The following ENTPD1 variants were observed in gnomAD, a reference collection of about 807,000 sequenced individuals.
ENTPD1 encodes ectonucleoside triphosphate diphosphohydrolase 1.
Under a neutral mutation model 57.0 loss-of-function variants are expected in ENTPD1, and 33 were observed. The observed-to-expected ratio is 0.58, with a 90% CI of 0.44 to 0.77. The LOEUF (loss-of-function observed/expected upper bound fraction) is 0.77. ENTPD1 is among the 30% of genes least tolerant of loss of function. The pLI is 0.00. For synonymous variants in ENTPD1, 202 were observed against 218.8 expected, an observed-to-expected ratio of 0.92 and a Z score of 0.68; for missense variants, 501 against 603.4, an observed-to-expected ratio of 0.83 and a Z score of 1.78.
chr10:95,754,309 C>CAAAA (rs540199495), upstream of ENTPD1: 1 of 54,400 alleles, frequency 1.8e-5, no homozygotes, highest in Non-Finnish European at 3.8e-5. Context: ...ACTCTTGTCT[C>CAAAA]AAAAAAAAAA....
intron 1 of ENTPD1, among the ~76,000 whole-genome samples, chr10:95,743,880 G>A (rs1005643425): frequency 6.0e-5 from 9 of 151,020 alleles, no homozygotes; most frequent in Admixed American, 4.0e-4. Flanking sequence ...TCCTTTTACT[G>A]GAGAACGGTT....
chr10:95,760,811 A>ATTTTTTTT (rs1399145317), intron 1 of ENTPD1, among the ~76,000 whole-genome samples: 7 of 48,398 alleles, frequency 1.4e-4, no homozygotes, highest in African/African-American at 4.0e-4. Flanking sequence ...CATAGAGTTT[A>ATTTTTTTT]TTCTTTTTTT....
chr10:95,767,579 T>C (rs2098094748), intron 1 of ENTPD1, among the ~76,000 whole-genome samples: 1 of 152,044 alleles, frequency 6.6e-6, no homozygotes, highest in Non-Finnish European at 1.5e-5. Context: ...AATTCATCCA[T>C]CCATGAATTT....
At chr10:95,710,513 TTAG>T (rs78470718), upstream of ENTPD1, among the ~76,000 whole-genome samples, 40,710 of 152,098 alleles carry the variant, frequency 0.27, 6,268 homozygotes, top group Admixed American at 0.38. Context: ...GTCTACATGT[TTAG>T]TAGAAAACAA....
rs903389362 is a variant in ENTPD1 at position 95,873,128 on chromosome 10, T to G, written c.*6745T>G. The G allele has an allele frequency of 2.0e-6, 2 of 976,922 alleles. No individual in the cohort carries two copies. Among genetic ancestry groups the G allele is most frequent in the Non-Finnish European group, 2.4e-6 (2 of 822,292 alleles). 60.5% of individuals were successfully genotyped at this position (976,922 alleles called of 1,614,324 possible). On this transcript the variant is annotated 3_prime_UTR_variant, in exon 10 of 10. Transcript: ENST00000371205. ...CTGAGGTTTTACATTTCCAACAAGC[T>G]GCCAGGTAAAGCCAATACATCTGTC... is the stretch of plus-strand genomic sequence containing the variant.
At chr10:95,808,743 G>A (rs1421346566) in intron 1 of ENTPD1, among the ~76,000 whole-genome samples, 1 of 144,136 alleles carries the variant, frequency 6.9e-6, no homozygotes, top group Non-Finnish European at 1.5e-5. Context: ...TAATAATTTT[G>A]TTGATCATTC....
chr10:95,845,835 C>G (rs974581789), intron 6 of ENTPD1: 5 of 585,786 alleles, frequency 8.5e-6, no homozygotes, highest in Non-Finnish European at 1.5e-5. Flanking sequence ...GATCTTCTCT[C>G]AGGAAATAAT....
chr10:95,708,060 T>C (rs575480894), upstream of ENTPD1, among the ~76,000 whole-genome samples: 33 of 152,332 alleles, frequency 2.2e-4, no homozygotes, highest in African/African-American at 7.5e-4. Flanking sequence ...TGACATCAAA[T>C]GATGATATAA....
intron 2 of ENTPD1, among the ~76,000 whole-genome samples, chr10:95,832,303 A>G (rs940079398): frequency 4.6e-5 from 7 of 152,148 alleles, no homozygotes; most frequent in Non-Finnish European, 1.0e-4. Context: ...GCAGGGCCTC[A>G]GAAGCTACAT....
intron 2 of ENTPD1, among the ~76,000 whole-genome samples, chr10:95,838,568 G>A (rs561506925): frequency 1.3e-5 from 2 of 152,224 alleles, no homozygotes; most frequent in Non-Finnish European, 2.9e-5. Flanking sequence ...TACTATGTGA[G>A]TTCATACATT....
intron 1 of ENTPD1, among the ~76,000 whole-genome samples, chr10:95,739,535 T>C (rs946491058): frequency 6.6e-6 from 1 of 152,244 alleles, no homozygotes; most frequent in Admixed American, 6.5e-5. Flanking sequence ...GCTCCATTTG[T>C]ATCATGAGAT....
intron 1 of ENTPD1, among the ~76,000 whole-genome samples, chr10:95,773,798 G>A (rs1263016091): frequency 2.6e-5 from 4 of 152,204 alleles, no homozygotes; most frequent in Non-Finnish European, 2.9e-5. Flanking sequence ...AAACATACAT[G>A]TGCATGTGTC....
chr10:95,744,006 A>ATATATC (rs2098003262), intron 1 of ENTPD1, among the ~76,000 whole-genome samples: 1 of 74,576 alleles, frequency 1.3e-5, no homozygotes, highest in Admixed American at 1.1e-4. Flanking sequence ...CCATATATAT[A>ATATATC]TATATATATA....
intron 1 of ENTPD1, among the ~76,000 whole-genome samples, chr10:95,746,986 G>T (rs2098006736): frequency 6.6e-6 from 1 of 152,190 alleles, no homozygotes; most frequent in African/African-American, 2.4e-5. Flanking sequence ...ACACCAAATA[G>T]TACTGACTTA....
At chr10:95,737,933 G>A (rs540310975) in intron 1 of ENTPD1, among the ~76,000 whole-genome samples, 6 of 152,226 alleles carry the variant, frequency 3.9e-5, no homozygotes, top group East Asian at 1.9e-4. Context: ...ACTTGTAAAC[G>A]TATCATGCTG....
upstream of ENTPD1, among the ~76,000 whole-genome samples, chr10:95,708,774 T>TA: frequency 6.6e-6 from 1 of 152,282 alleles, no homozygotes; most frequent in African/African-American, 2.4e-5. Flanking sequence ...TCATTTACAC[T>TA]AAAAAAGGCA....
chr10:95,732,879 T>C (rs1179586470), intron 1 of ENTPD1, among the ~76,000 whole-genome samples: 2 of 151,990 alleles, frequency 1.3e-5, no homozygotes, highest in East Asian at 3.8e-4. Flanking sequence ...CACAAGGTAA[T>C]AAAATATTAC....
chr10:95,745,339 T>C (rs974339560), intron 1 of ENTPD1, among the ~76,000 whole-genome samples: 1 of 152,140 alleles, frequency 6.6e-6, no homozygotes, highest in Non-Finnish European at 1.5e-5. Flanking sequence ...TGAGCCACCA[T>C]GCCCAGCTAA....
At chr10:95,776,471 C>T (rs4917705) in intron 1 of ENTPD1, among the ~76,000 whole-genome samples, 76,302 of 152,012 alleles carry the variant, frequency 0.5, 19,648 homozygotes, top group Admixed American at 0.6. Flanking sequence ...TTGGCCCCCA[C>T]TCTCTTCTGG....
Sources: gnomAD v4.1 joint callset for allele counts (sites outside exome capture counted in the v4.1 genomes callset) on GRCh38, gnomAD v4.1.1 for gene constraint, MANE v1.5 for transcripts, NCBI Gene and HGNC (gene_info 2026-07-23, HGNC 2026-07-21) for gene names.